The following ATP2B2 variants were observed in gnomAD, a reference collection of about 807,000 sequenced individuals.
The protein encoded by ATP2B2 is plasma membrane calcium-transporting ATPase 2.
A neutral mutation model predicts 120.0 loss-of-function variants in ATP2B2; 15 were observed. The ratio of observed to expected loss-of-function variants is 0.12; its 90% CI spans 0.08 to 0.19. The LOEUF (loss-of-function observed/expected upper bound fraction) is 0.19, where lower values mean the gene tolerates loss of function less well. Ranked by LOEUF, ATP2B2 falls within the 10% of genes least tolerant of loss-of-function variation. The probability of loss-of-function intolerance (pLI) is 1.00; values close to 1 mark genes in which losing one functional copy is unlikely to be tolerated. For synonymous variants in ATP2B2, 694 were observed against 700.3 expected, an observed-to-expected ratio of 0.99 and a Z score of 0.14; for missense variants, 1,045 against 1,719.8, an observed-to-expected ratio of 0.61 and a Z score of 6.94.
intron 2 of ATP2B2, among the ~76,000 whole-genome samples, chr3:10,550,569 C>T (rs1179657130): frequency 2.6e-5 from 4 of 152,146 alleles, no homozygotes; most frequent in Admixed American, 6.5e-5. Flanking sequence ...ACATTTCTCC[C>T]TTCCAGCAGG....
intron 1 of ATP2B2, among the ~76,000 whole-genome samples, chr3:10,646,668 G>A (rs573682037): frequency 3.9e-5 from 6 of 152,216 alleles, no homozygotes; most frequent in Non-Finnish European, 5.9e-5. Context: ...TGACTACAGC[G>A]AGGAAGCAGA....
At chr3:10,486,316 T>TGTGC (rs1255948971) in intron 1 of ATP2B2, among the ~76,000 whole-genome samples, 2 of 100,716 alleles carry the variant, frequency 2.0e-5, no homozygotes, top group African/African-American at 7.0e-5. Flanking sequence ...GCCAGGTGTG[T>TGTGC]GTGCGTGCGT....
intron 5 of ATP2B2, among the ~76,000 whole-genome samples, chr3:10,394,812 C>A (rs1428232405): frequency 6.6e-6 from 1 of 151,944 alleles, no homozygotes; most frequent in East Asian, 1.9e-4. Context: ...GTTGAGCCAT[C>A]GGGCCTGCTG....
At chr3:10,574,190 T>A (rs2068191716) in intron 2 of ATP2B2, among the ~76,000 whole-genome samples, 1 of 152,116 alleles carries the variant, frequency 6.6e-6, no homozygotes, top group African/African-American at 2.4e-5. Flanking sequence ...TTCTTCTGGG[T>A]TTTGGTTCCT....
intron 12 of ATP2B2, among the ~76,000 whole-genome samples, chr3:10,365,019 T>C (rs1423673111): frequency 1.3e-5 from 2 of 152,236 alleles, no homozygotes; most frequent in African/African-American, 4.8e-5. Context: ...TATCATAGGC[T>C]CACAGCTGCC....
chr3:10,398,244 C>G lies in ATP2B2; in HGVS notation c.781+2709G>C, dbSNP rs116089550. On this transcript the variant is annotated intron_variant, in intron 5 of 22. Transcript: ENST00000360273. ...ATTACCAGCGACCCAAGAACCAGCA[C>G]GAACCCACTGAGATCTCCAGGTTCC... is the stretch of plus-strand genomic sequence containing the variant. Among the ~76,000 whole-genome samples, 1,001 of 152,314 alleles carry G rather than the reference C, an allele frequency of 6.6e-3. 6 individuals are homozygous for G. The highest frequency in any genetic ancestry group is 0.01 in the Non-Finnish European group (685 of 68,024).
chr3:10,632,138 T>C (rs967254028), intron 1 of ATP2B2, among the ~76,000 whole-genome samples: 9 of 152,214 alleles, frequency 5.9e-5, no homozygotes, highest in Non-Finnish European at 7.3e-5. Context: ...AGATGGTTTT[T>C]TGTGGTGGGC....
chr3:10,385,151 G>T, intron 8 of ATP2B2, 117 bp downstream of exon 8: 1 of 1,020,868 alleles, frequency 9.8e-7, no homozygotes, highest in Non-Finnish European at 1.5e-6. Flanking sequence ...CTGTCCCAGC[G>T]GCCCATGCAC....
At position 10,466,472 on chromosome 3, in the gene ATP2B2, G is replaced by A. The variant is rs546757325; in HGVS notation, c.-319-16610C>T. Among the ~76,000 whole-genome samples, 4 of 152,298 alleles carry A rather than the reference G, an allele frequency of 2.6e-5. No homozygotes were observed. In the South Asian group the frequency reaches 6.2e-4, roughly 24 times the overall value. ...AGACTATGTGTGTGTGGTGGGGTGT[G>A]AGGAAGCAATTAGGCCGAACAGTTT... is the stretch of plus-strand genomic sequence containing the variant. On this transcript the variant is annotated intron_variant, in intron 1 of 22. Coordinates refer to ENST00000360273, the MANE Select transcript of ATP2B2 (RefSeq NM_001001331.4).
chr3:10,529,135 C>A (rs527299495), intron 3 of ATP2B2, among the ~76,000 whole-genome samples: 1 of 152,226 alleles, frequency 6.6e-6, no homozygotes, highest in Non-Finnish European at 1.5e-5. Context: ...GAATGAAAGT[C>A]AAGTGACTGA....
intron 2 of ATP2B2, among the ~76,000 whole-genome samples, chr3:10,605,157 C>T (rs1479168946): frequency 6.6e-6 from 1 of 152,220 alleles, no homozygotes; most frequent in African/African-American, 2.4e-5. Flanking sequence ...GAATAACACA[C>T]TAACTACTTC....
chr3:10,592,173 A>G (rs142343225), intron 2 of ATP2B2, among the ~76,000 whole-genome samples: 3 of 152,298 alleles, frequency 2.0e-5, no homozygotes, highest in African/African-American at 7.2e-5. Flanking sequence ...CAGTATCTCT[A>G]TCATCCCTGA....
intron 22 of ATP2B2, chr3:10,332,461 T>C (rs1281159098): frequency 5.4e-6 from 1 of 183,934 alleles, no homozygotes; most frequent in East Asian, 1.2e-4. Flanking sequence ...AAAGAGAGGC[T>C]GTGCGGCTTT....
At chr3:10,489,902 G>C (rs1315673186) in intron 1 of ATP2B2, among the ~76,000 whole-genome samples, 1 of 152,216 alleles carries the variant, frequency 6.6e-6, no homozygotes, top group Non-Finnish European at 1.5e-5. Flanking sequence ...GGGCTTAGCC[G>C]GGCCACCTCT....
chr3:10,506,661 C>G (rs2125426255), upstream of ATP2B2, among the ~76,000 whole-genome samples: 1 of 152,084 alleles, frequency 6.6e-6, no homozygotes, highest in African/African-American at 2.4e-5. Flanking sequence ...GGGTACCCTG[C>G]TTGGAGGGAG....
chr3:10,480,921 G>A (rs1004943775), intron 1 of ATP2B2, among the ~76,000 whole-genome samples: 1 of 152,250 alleles, frequency 6.6e-6, no homozygotes, highest in Admixed American at 6.5e-5. Flanking sequence ...CAAGGCCAGG[G>A]CCAGAGGGCC....
At chr3:10,488,979 C>T (rs1184821460) in intron 1 of ATP2B2, among the ~76,000 whole-genome samples, 1 of 152,228 alleles carries the variant, frequency 6.6e-6, no homozygotes, top group Non-Finnish European at 1.5e-5. Context: ...TGGCCCCCAA[C>T]TTGTCAGCTC....
chr3:10,430,915 A>C (rs1321764718), intron 2 of ATP2B2, among the ~76,000 whole-genome samples: 2 of 151,710 alleles, frequency 1.3e-5, no homozygotes, highest in African/African-American at 4.8e-5. Context: ...TGACAGCTCC[A>C]GGTTCTAACA....
chr3:10,692,731 T>A lies in ATP2B2; in HGVS notation c.-460+15184A>T, dbSNP rs537154232. Among the ~76,000 whole-genome samples, 15 of 152,228 alleles carry A rather than the reference T, an allele frequency of 9.9e-5. No individual in the cohort carries two copies. In the East Asian group the frequency reaches 2.9e-3, roughly 29 times the overall value. On this transcript the variant is annotated intron_variant, in intron 1 of 21. Transcript: ENST00000646379. ...CCTGTCCTCCCAACTAGCCTGCAAG[T>A]TTATGAGGACAGCATTAGGCCTGGT...
Sources: allele counts gnomAD v4.1 joint callset (sites outside exome capture counted in the v4.1 genomes callset), GRCh38; gene constraint gnomAD v4.1.1; transcripts MANE v1.5; gene names NCBI Gene and HGNC (gene_info 2026-07-23, HGNC 2026-07-21).